The following ARHGAP21 variants were observed in gnomAD, a reference collection of about 807,000 sequenced individuals.
ARHGAP21 encodes the protein Rho GTPase activating protein 21, also known as rho GTPase-activating protein 21.
ARHGAP21 carries 38 observed loss-of-function variants against 164.6 expected under a neutral mutation model. The ratio of observed to expected loss-of-function variants is 0.23; its 90% CI spans 0.18 to 0.30. The LOEUF (loss-of-function observed/expected upper bound fraction) is 0.30. Among genes scored for constraint, ARHGAP21 ranks in the 10% least tolerant of loss-of-function variants. ARHGAP21 has a pLI of 1.00. For missense variants in ARHGAP21, 1,822 were observed against 2,370.7 expected (o/e 0.77, Z 4.81); for synonymous variants, 766 against 857.9 (o/e 0.89, Z 1.87).
At chr10:24,586,981 C>T (rs896742296) in intron 25 of ARHGAP21, among the ~76,000 whole-genome samples, 4 of 152,104 alleles carry the variant, frequency 2.6e-5, no homozygotes, top group Non-Finnish European at 4.4e-5. Flanking sequence ...GTCAAGGCTG[C>T]AGTGAGCATG....
intron 7 of ARHGAP21, among the ~76,000 whole-genome samples, chr10:24,625,351 T>TAAA (rs1295036563): frequency 6.9e-6 from 1 of 144,908 alleles, no homozygotes; most frequent in Non-Finnish European, 1.5e-5. Context: ...GTGGTAAGAT[T>TAAA]AAAATTCCTG....
At chr10:24,609,057 TAG>T (rs2077148346) in intron 9 of ARHGAP21, among the ~76,000 whole-genome samples, 1 of 152,208 alleles carries the variant, frequency 6.6e-6, no homozygotes, top group African/African-American at 2.4e-5. Flanking sequence ...CCTGGTTTTA[TAG>T]AGTCTGCTGA....
At chr10:24,659,610 C>T (rs530458724) in intron 4 of ARHGAP21, among the ~76,000 whole-genome samples, 10 of 152,040 alleles carry the variant, frequency 6.6e-5, no homozygotes, top group South Asian at 2.1e-4. Flanking sequence ...CCACTGCGCC[C>T]GGCCCAGAAT....
intron 2 of ARHGAP21, among the ~76,000 whole-genome samples, chr10:24,699,644 A>G (rs1332385871): frequency 6.6e-6 from 1 of 152,068 alleles, no homozygotes; most frequent in Non-Finnish European, 1.5e-5. Flanking sequence ...TAGTTTTAAA[A>G]GCTGATGACT....
intron 4 of ARHGAP21, among the ~76,000 whole-genome samples, chr10:24,651,391 G>A (rs543350575): frequency 2.1e-4 from 32 of 152,192 alleles, no homozygotes; most frequent in Admixed American, 1.1e-3. Flanking sequence ...ATGGTCTCAG[G>A]TTTTCCCCTG....
At chr10:24,667,410 A>G (rs1184372176) in intron 3 of ARHGAP21, among the ~76,000 whole-genome samples, 4 of 152,090 alleles carry the variant, frequency 2.6e-5, no homozygotes, top group African/African-American at 9.7e-5. Context: ...CACTTACTGT[A>G]CTATACTTAA....
At chr10:24,653,885 T>C (rs1340650413) in intron 4 of ARHGAP21, among the ~76,000 whole-genome samples, 2 of 152,080 alleles carry the variant, frequency 1.3e-5, no homozygotes, top group Admixed American at 6.5e-5. Flanking sequence ...TTAAAAACTT[T>C]TGTGCAGCAA....
At chr10:24,593,503 T>A (rs1270014490) in intron 21 of ARHGAP21, among the ~76,000 whole-genome samples, 1 of 152,088 alleles carries the variant, frequency 6.6e-6, no homozygotes, top group African/African-American at 2.4e-5. Context: ...TAATATTTTA[T>A]CTGGGTAAAC....
intron 7 of ARHGAP21, chr10:24,629,662 C>T: frequency 4.7e-6 from 1 of 213,780 alleles, no homozygotes. Flanking sequence ...ATTCTAATTC[C>T]TGGGGATATG....
chr10:24,664,147 C>T (rs1257483198), intron 4 of ARHGAP21, among the ~76,000 whole-genome samples: 3 of 152,188 alleles, frequency 2.0e-5, no homozygotes, highest in African/African-American at 7.2e-5. Flanking sequence ...CCGTCTCAGA[C>T]CTCAGTGCAA....
chr10:24,718,265 C>A (rs912132315), intron 2 of ARHGAP21, among the ~76,000 whole-genome samples: 1 of 152,130 alleles, frequency 6.6e-6, no homozygotes. Context: ...GGAGAGTCAG[C>A]GGTAGCGGTG....
intron 2 of ARHGAP21, among the ~76,000 whole-genome samples, chr10:24,677,660 T>G (rs1841388608): frequency 6.6e-6 from 1 of 152,102 alleles, no homozygotes; most frequent in Non-Finnish European, 1.5e-5. Flanking sequence ...TTAGGTAGCG[T>G]TTATAGGGTA....
In ARHGAP21 at chr10:24,619,770, C is replaced by T. The variant is rs146770402; in HGVS notation, c.2125G>A (p.Val709Ile). The change falls in exon 9 of 26, where the codon GTC (valine) becomes ATC (isoleucine). Residue 709 changes from valine to isoleucine, a missense_variant. Val to Ile is a conservative substitution (Grantham distance 29). Coordinates refer to ENST00000396432, the MANE Select transcript of ARHGAP21 (RefSeq NM_020824.4). ...NAGTSDLELPVSQRNQDLSLQ... is the reference protein window; with the variant it reads ...NAGTSDLELPISQRNQDLSLQ... ...CTTAAATCTTGATTCCTTTGACTGA[C>T]AGGTAGTTCTAAATCTGAAGTACCA... The T allele has an allele frequency of 6.2e-7, 1 of 1,614,098 alleles. No homozygotes were observed. Among genetic ancestry groups the T allele is most frequent in the South Asian group, 1.1e-5 (1 of 91,080 alleles).
intron 7 of ARHGAP21, among the ~76,000 whole-genome samples, chr10:24,625,266 A>C (rs533790893): frequency 6.0e-4 from 86 of 142,466 alleles, no homozygotes; most frequent in African/African-American, 2.2e-3. Flanking sequence ...CCATGACCAT[A>C]CCTATGATAA....
rs200103179 is a variant in ARHGAP21, at chr10:24,639,755, C to CA, written c.269-4653dup. On this transcript the variant is annotated intron_variant, in intron 4 of 25. Transcript: ENST00000396432. ...TCTTCAAAGAGATTGTGTCTAAAAC[C>CA]AAAGTGCTACATCTATAGGCCTGGG... is the stretch of plus-strand genomic sequence containing the variant. Among the ~76,000 whole-genome samples, 230 of 152,174 alleles carry CA rather than the reference C, an allele frequency of 1.5e-3. 5 individuals carry two copies. In the East Asian group the frequency reaches 0.038, roughly 25 times the overall value.
At chr10:24,652,224 T>A (rs1247553925) in intron 4 of ARHGAP21, among the ~76,000 whole-genome samples, 3 of 152,136 alleles carry the variant, frequency 2.0e-5, no homozygotes, top group Admixed American at 6.5e-5. Flanking sequence ...ATGATCAAGG[T>A]GGTATTACAG....
At position 24,591,243 on chromosome 10, in the gene ARHGAP21, A is replaced by C; in HGVS notation, c.4132T>G (p.Ser1378Ala). The change falls in exon 24 of 26, where the codon TCC becomes GCC. Residue 1378 changes from serine (S) to alanine (A), a missense_variant. Ser to Ala is a moderately conservative substitution (Grantham distance 99). This residue lies in a region of ARHGAP21 where 333 missense variants were observed against 383.9 expected (regional missense o/e 0.87). Coordinates refer to ENST00000396432, the MANE Select transcript of ARHGAP21 (RefSeq NM_020824.4). ...LLTNIGRTGV[S>A]PGDVSDSATS... ...GAGTTACCTGATACATCTCCTGGGG[A>C]GACTCCTGTCCTTCCAATGTTGGTG... is the stretch of plus-strand genomic sequence containing the variant. 6.2e-7 allele frequency: 1 copy of C among 1,612,040 alleles called. No homozygotes were observed. The highest frequency in any genetic ancestry group is 8.5e-7 in the Non-Finnish European group (1 of 1,179,760).
At chr10:24,715,077 T>C (rs1845234558) in intron 2 of ARHGAP21, among the ~76,000 whole-genome samples, 1 of 152,124 alleles carries the variant, frequency 6.6e-6, no homozygotes, top group South Asian at 2.1e-4. Context: ...AATTGTTTTT[T>C]AAGTGTTGCT....
intron 2 of ARHGAP21, among the ~76,000 whole-genome samples, chr10:24,702,884 A>C (rs1158393049): frequency 1.3e-5 from 2 of 152,234 alleles, no homozygotes; most frequent in Non-Finnish European, 2.9e-5. Flanking sequence ...CCTGAACAGG[A>C]AACAGTTTAA....
Sources: allele counts gnomAD v4.1 joint callset (sites outside exome capture counted in the v4.1 genomes callset), GRCh38; gene constraint gnomAD v4.1.1; regional missense constraint gnomAD v4.1.1; transcripts MANE v1.5; gene names NCBI Gene and HGNC (gene_info 2026-07-23, HGNC 2026-07-21).